The following TMEM45A variants were observed in gnomAD, a reference collection of about 807,000 sequenced individuals.
TMEM45A encodes the protein transmembrane protein 45A.
A neutral mutation model predicts 32.0 loss-of-function variants in TMEM45A; 25 were observed. The observed-to-expected ratio is 0.78, with a 90% CI of 0.57 to 1.09. TMEM45A has a LOEUF of 1.09. Ranked by LOEUF, TMEM45A falls within the 50% of genes least tolerant of loss-of-function variation. The probability of loss-of-function intolerance (pLI) is 0.00; values close to 1 mark genes in which losing one functional copy is unlikely to be tolerated. For missense variants in TMEM45A, 302 were observed against 325.0 expected (o/e 0.93, Z 0.54); for synonymous variants, 122 against 114.8 (o/e 1.06, Z -0.40).
chr3:100,500,052 G>A (rs772552774), intron 1 of TMEM45A, among the ~76,000 whole-genome samples: 1 of 152,002 alleles, frequency 6.6e-6, no homozygotes, highest in Non-Finnish European at 1.5e-5. Context: ...ATAGATTGTA[G>A]AGTCAAAAGT....
chr3:100,546,445 C>T (rs188714969), intron 1 of TMEM45A, among the ~76,000 whole-genome samples: 191 of 152,308 alleles, frequency 1.3e-3, no homozygotes, highest in African/African-American at 4.3e-3. Flanking sequence ...AATCATTGCT[C>T]ACTGAGTTGA....
intron 5 of TMEM45A, chr3:100,574,159 GT>G (rs1706632590): frequency 6.6e-6 from 1 of 152,134 alleles, no homozygotes; most frequent in African/African-American, 2.4e-5. Flanking sequence ...GATTGGAATA[GT>G]TTCAGAAGGA....
chr3:100,570,942 T>C (rs1177218645), intron 5 of TMEM45A: 1 of 152,184 alleles, frequency 6.6e-6, no homozygotes, highest in East Asian at 1.9e-4. Context: ...ACTCTAGCTC[T>C]TGCTCATCTC....
At chr3:100,576,882 T>C in intron 5 of TMEM45A, 43 bp from the exon 6 acceptor site, 2 of 1,478,482 alleles carry the variant, frequency 1.4e-6, no homozygotes, top group Non-Finnish European at 1.9e-6. Context: ...TGGGTTTCTA[T>C]TTTAAAAACC....
chr3:100,517,419 C>G (rs1019952961), intron 1 of TMEM45A, among the ~76,000 whole-genome samples: 1 of 152,224 alleles, frequency 6.6e-6, no homozygotes, highest in East Asian at 1.9e-4. Context: ...GAACTTGATA[C>G]TTTCTGAAAA....
intron 1 of TMEM45A, among the ~76,000 whole-genome samples, chr3:100,515,271 A>T (rs1395031550): frequency 6.6e-6 from 1 of 152,022 alleles, no homozygotes; most frequent in East Asian, 1.9e-4. Flanking sequence ...AATGTGGCAC[A>T]TATACACCAT....
chr3:100,543,872 G>A (rs80123433), intron 1 of TMEM45A, among the ~76,000 whole-genome samples: 1 of 152,162 alleles, frequency 6.6e-6, no homozygotes, highest in Non-Finnish European at 1.5e-5. Flanking sequence ...CTTATCACCA[G>A]CACAACCTTG....
chr3:100,574,464 T>C (rs1706640040), intron 5 of TMEM45A: 1 of 152,274 alleles, frequency 6.6e-6, no homozygotes, highest in South Asian at 2.1e-4. Context: ...AAGTTGAATC[T>C]CTGAATAGAC....
intron 1 of TMEM45A, among the ~76,000 whole-genome samples, chr3:100,513,801 C>A (rs957816593): frequency 6.6e-6 from 1 of 152,096 alleles, no homozygotes; most frequent in African/African-American, 2.4e-5. Flanking sequence ...AATCAATGTG[C>A]AAAAATCACA....
intron 1 of TMEM45A, among the ~76,000 whole-genome samples, chr3:100,521,440 A>G (rs974896816): frequency 6.6e-6 from 1 of 151,960 alleles, no homozygotes; most frequent in Non-Finnish European, 1.5e-5. Flanking sequence ...TTTAGTAGAG[A>G]TGGGGTTTCT....
chr3:100,517,692 G>A (rs1194225713), intron 1 of TMEM45A, among the ~76,000 whole-genome samples: 1 of 152,190 alleles, frequency 6.6e-6, no homozygotes, highest in African/African-American at 2.4e-5. Flanking sequence ...AATTCTTGGA[G>A]GGCAACTCTG....
intron 1 of TMEM45A, among the ~76,000 whole-genome samples, chr3:100,497,580 T>G (rs1707947232): frequency 6.6e-6 from 1 of 152,198 alleles, no homozygotes; most frequent in Admixed American, 6.5e-5. Context: ...TTTGTCAGCT[T>G]CTGGAACCAA....
intron 5 of TMEM45A, chr3:100,572,763 G>A (rs1301799586): frequency 6.7e-6 from 1 of 149,930 alleles, no homozygotes; most frequent in African/African-American, 2.4e-5. Context: ...AATCCATCTT[G>A]AATTAATTTT....
Position 100,548,183 on chromosome 3 carries a change from A to G in TMEM45A, c.-3-7026A>G, listed in dbSNP as rs568940014. Among the ~76,000 whole-genome samples the G allele has an allele frequency of 2.8e-4, 42 of 152,222 alleles. 1 individual carries two copies. The South Asian group carries it at 3.3e-3, about 12-fold the overall frequency. On this transcript the variant is annotated intron_variant, in intron 1 of 5. Transcript: ENST00000323523. ...TGGCTTTGGGAGCAGCTGCTGAGAC[A>G]CTCATCTCTGGTCACATGCTAAGCC...
At chr3:100,568,264 A>G (rs1024551880) in intron 4 of TMEM45A, among the ~76,000 whole-genome samples, 1 of 152,098 alleles carries the variant, frequency 6.6e-6, no homozygotes, top group African/African-American at 2.4e-5. Context: ...GAATGTAGAT[A>G]TTTTTGCCTC....
Position 100,544,101 on chromosome 3 carries a change from A to T in TMEM45A, c.-3-11108A>T, listed in dbSNP as rs536885651. 1.2e-4 allele frequency among the ~76,000 whole-genome samples: 19 copies of T among 152,168 alleles called. No individual in the cohort carries two copies. In the East Asian group the frequency reaches 2.9e-3, roughly 23 times the overall value. On this transcript the variant is annotated intron_variant, in intron 1 of 5. Coordinates refer to ENST00000323523, the MANE Select transcript of TMEM45A (RefSeq NM_018004.3). ...TGGTTTTTTTTTTTGCTATTATACA[A>T]GGTAGATTTATTTTTTTTGCTTTTG...
At chr3:100,574,777 C>T (rs1363916148) in intron 5 of TMEM45A, 2 of 152,146 alleles carry the variant, frequency 1.3e-5, no homozygotes, top group African/African-American at 4.8e-5. Flanking sequence ...CCCTTGTTTG[C>T]TGTTTTAATA....
intron 4 of TMEM45A, among the ~76,000 whole-genome samples, chr3:100,559,172 A>G (rs6441329): frequency 0.42 from 64,175 of 152,070 alleles, 13,702 homozygotes; most frequent in Middle Eastern, 0.48. Context: ...ACCTTGATGA[A>G]TTGTTGAAAA....
At chr3:100,511,659 A>G (rs1282408828) in intron 1 of TMEM45A, among the ~76,000 whole-genome samples, 4 of 150,530 alleles carry the variant, frequency 2.7e-5, no homozygotes, top group Non-Finnish European at 6.0e-5. Context: ...AAATGCTCCA[A>G]TTAAAAGACA....
Sources: gnomAD v4.1 joint callset for allele counts (sites outside exome capture counted in the v4.1 genomes callset) on GRCh38, gnomAD v4.1.1 for gene constraint, MANE v1.5 for transcripts, NCBI Gene and HGNC (gene_info 2026-07-23, HGNC 2026-07-21) for gene names.